ASIC2: variants seen among roughly 807,000 people sequenced by gnomAD.
ASIC2 encodes acid-sensing ion channel 2.
A neutral mutation model predicts 57.3 loss-of-function variants in ASIC2; 25 were observed. The ratio of observed to expected loss-of-function variants is 0.44; its 90% CI spans 0.32 to 0.61. ASIC2 has a LOEUF of 0.61. ASIC2 is among the 20% of genes least tolerant of loss of function. The pLI, the probability that ASIC2 is intolerant of heterozygous loss-of-function variation, is 0.06. For missense variants in ASIC2, 641 were observed against 738.1 expected (o/e 0.87, Z 1.52); for synonymous variants, 319 against 307.5 (o/e 1.04, Z -0.39).
chr17:33,292,670 G>C lies in ASIC2; in HGVS notation c.-555C>G, dbSNP rs866973446. 26 of 985,692 alleles carry C rather than the reference G, an allele frequency of 2.6e-5. No individual in the cohort carries two copies. In the South Asian group the frequency reaches 6.1e-4, roughly 23 times the overall value. 61.1% of individuals were successfully genotyped at this position (985,692 alleles called of 1,614,324 possible). On this transcript the variant is annotated 5_prime_UTR_variant, in exon 1 of 10. Transcript: ENST00000225823. ...CACGGGAGAGAAGGCGCCAAGGAAC[G>C]AGCGCCCCCAGAGGCGCACCGCGGC...
At chr17:33,060,127 T>C (rs1015490827) in intron 3 of ASIC2, among the ~76,000 whole-genome samples, 6 of 152,224 alleles carry the variant, frequency 3.9e-5, no homozygotes, top group Non-Finnish European at 7.3e-5. Context: ...TTCACTCTGA[T>C]GGTAGTTTCT....
At chr17:34,151,728 G>A (rs1288845124) in intron 1 of ASIC2, among the ~76,000 whole-genome samples, 1 of 152,210 alleles carries the variant, frequency 6.6e-6, no homozygotes, top group East Asian at 1.9e-4. Flanking sequence ...GGAATAGTGA[G>A]CAAACCACTG....
chr17:34,126,348 G>A (rs1267414816), intron 1 of ASIC2, among the ~76,000 whole-genome samples: 3 of 152,204 alleles, frequency 2.0e-5, no homozygotes, highest in African/African-American at 4.8e-5. Flanking sequence ...AAGCAGCCAA[G>A]CCTCATTATC....
chr17:33,575,774 TG>T (rs1410432766), intron 1 of ASIC2, among the ~76,000 whole-genome samples: 1 of 152,094 alleles, frequency 6.6e-6, no homozygotes, highest in Non-Finnish European at 1.5e-5. Context: ...GTAGGTTTCA[TG>T]GGCAGAGGGG....
intron 1 of ASIC2, among the ~76,000 whole-genome samples, chr17:34,042,678 A>G (rs1463237418): frequency 1.3e-5 from 2 of 152,216 alleles, no homozygotes; most frequent in Non-Finnish European, 2.9e-5. Flanking sequence ...GAACTTATCA[A>G]ATTGTATAAT....
intron 1 of ASIC2, among the ~76,000 whole-genome samples, chr17:33,490,008 T>A (rs1306376478): frequency 1.3e-5 from 2 of 152,242 alleles, no homozygotes; most frequent in East Asian, 3.8e-4. Flanking sequence ...GCATTTATAT[T>A]TTATATAGTT....
intron 1 of ASIC2, among the ~76,000 whole-genome samples, chr17:33,915,127 A>G (rs537959021): frequency 6.6e-6 from 1 of 152,312 alleles, no homozygotes; most frequent in East Asian, 1.9e-4. Context: ...AAATGGCTCC[A>G]TTTCCTTGAA....
intron 3 of ASIC2, among the ~76,000 whole-genome samples, chr17:33,050,850 T>C (rs1795513524): frequency 3.3e-5 from 5 of 152,050 alleles, no homozygotes. Context: ...GCAGGGAAGG[T>C]TGGACTGACA....
chr17:33,287,395 C>T (rs998720333), intron 1 of ASIC2, among the ~76,000 whole-genome samples: 1 of 152,192 alleles, frequency 6.6e-6, no homozygotes, highest in African/African-American at 2.4e-5. Flanking sequence ...CTGTTCCAAC[C>T]CCCTGGTTCT....
intron 1 of ASIC2, among the ~76,000 whole-genome samples, chr17:33,799,444 TTCTTTCTTTC>T (rs1347007264): frequency 3.6e-5 from 2 of 55,640 alleles, no homozygotes; most frequent in African/African-American, 1.0e-4. Flanking sequence ...CTTTCTTTCT[TTCTTTCTTTC>T]TTTCTTTCTT....
At chr17:33,844,888 T>A (rs942527774) in intron 1 of ASIC2, among the ~76,000 whole-genome samples, 4 of 152,200 alleles carry the variant, frequency 2.6e-5, no homozygotes, top group Non-Finnish European at 5.9e-5. Flanking sequence ...GGGATTTCCA[T>A]TTTTGAGTAT....
chr17:33,561,694 G>T (rs1916077722), intron 1 of ASIC2, among the ~76,000 whole-genome samples: 2 of 152,082 alleles, frequency 1.3e-5, no homozygotes, highest in Admixed American at 6.5e-5. Flanking sequence ...GTGTGAGTTT[G>T]GATGTGTGTA....
At chr17:33,437,670 C>A (rs1178020354) in intron 1 of ASIC2, among the ~76,000 whole-genome samples, 1 of 152,214 alleles carries the variant, frequency 6.6e-6, no homozygotes, top group East Asian at 1.9e-4. Context: ...GTGGCACACA[C>A]CTGTAGTCCC....
intron 1 of ASIC2, among the ~76,000 whole-genome samples, chr17:33,750,135 T>C (rs900662179): frequency 6.6e-6 from 1 of 152,106 alleles, no homozygotes; most frequent in Non-Finnish European, 1.5e-5. Flanking sequence ...TTGTGATGTG[T>C]GGGTGTGCAG....
At chr17:33,858,601 GCT>G (rs1914024065) in intron 1 of ASIC2, among the ~76,000 whole-genome samples, 1 of 152,358 alleles carries the variant, frequency 6.6e-6, no homozygotes, top group South Asian at 2.1e-4. Context: ...CATCTCTGCT[GCT>G]CTGTCTCACC....
intron 5 of ASIC2, among the ~76,000 whole-genome samples, 163 bp from the exon 6 acceptor site, chr17:33,024,177 C>T (rs1386666110): frequency 6.6e-6 from 1 of 152,126 alleles, no homozygotes; most frequent in African/African-American, 2.4e-5. Flanking sequence ...TGGGCTTTTG[C>T]TGTAGGTTGA....
chr17:33,947,644 A>G (rs951921574), intron 1 of ASIC2, among the ~76,000 whole-genome samples: 6 of 152,226 alleles, frequency 3.9e-5, no homozygotes, highest in African/African-American at 1.4e-4. Context: ...TAGCAGTCCA[A>G]TAACTCAGGA....
At chr17:33,748,384 T>C (rs1195282182) in intron 1 of ASIC2, among the ~76,000 whole-genome samples, 1 of 152,196 alleles carries the variant, frequency 6.6e-6, no homozygotes, top group East Asian at 1.9e-4. Flanking sequence ...TCCAGAGCAG[T>C]TTATGGAAAC....
chr17:33,931,032 C>A (rs527331889), intron 1 of ASIC2: 4 of 152,568 alleles, frequency 2.6e-5, no homozygotes, highest in African/African-American at 7.2e-5. Context: ...CATTCTCCTG[C>A]CTCAGCCTCT....
Sources: allele counts gnomAD v4.1 joint callset (sites outside exome capture counted in the v4.1 genomes callset), GRCh38; gene constraint gnomAD v4.1.1; transcripts MANE v1.5; gene names NCBI Gene and HGNC (gene_info 2026-07-23, HGNC 2026-07-21).